Variants in SLC25A31 observed in about 807,000 individuals in gnomAD.
SLC25A31 encodes ADP/ATP translocase 4.
A neutral mutation model predicts 36.2 loss-of-function variants in SLC25A31; 40 were observed. The ratio of observed to expected loss-of-function variants is 1.10; its 90% CI spans 0.86 to 1.44. The LOEUF (loss-of-function observed/expected upper bound fraction) is 1.44. SLC25A31 is among the 40% of genes most tolerant of loss of function. The probability of loss-of-function intolerance (pLI) is 0.00; values close to 1 mark genes in which losing one functional copy is unlikely to be tolerated. For missense variants in SLC25A31, 350 were observed against 397.1 expected (o/e 0.88, Z 1.01); for synonymous variants, 143 against 149.7 (o/e 0.96, Z 0.32).
At chr4:127,748,127 C>G (rs1285651938) in intron 2 of SLC25A31, among the ~76,000 whole-genome samples, 1 of 152,146 alleles carries the variant, frequency 6.6e-6, no homozygotes, top group Non-Finnish European at 1.5e-5. Context: ...TGGTCCCCTT[C>G]CAGAGATCAA....
chr4:127,745,840 G>A (rs935193240), intron 2 of SLC25A31, among the ~76,000 whole-genome samples: 1 of 152,060 alleles, frequency 6.6e-6, no homozygotes, highest in Non-Finnish European at 1.5e-5. Flanking sequence ...GGGTACATGT[G>A]AAGGTTTGCT....
chr4:127,750,427 T>G (rs888914021), intron 2 of SLC25A31, among the ~76,000 whole-genome samples: 6 of 152,236 alleles, frequency 3.9e-5, no homozygotes, highest in African/African-American at 1.4e-4. Flanking sequence ...GATTATTTCC[T>G]TATAAACTCA....
intron 1 of SLC25A31, among the ~76,000 whole-genome samples, chr4:127,740,610 G>A (rs973951971): frequency 6.6e-6 from 1 of 152,216 alleles, no homozygotes; most frequent in Non-Finnish European, 1.5e-5. Context: ...TTGTGGAGCA[G>A]AGACAGCCCC....
chr4:127,749,200 CAA>C (rs1328486731), intron 2 of SLC25A31, among the ~76,000 whole-genome samples: 1 of 151,728 alleles, frequency 6.6e-6, no homozygotes, highest in Non-Finnish European at 1.5e-5. Flanking sequence ...TCAGCAAACT[CAA>C]AGATAGGTCA....
At chr4:127,754,003 G>C (rs1303896994) in intron 2 of SLC25A31, among the ~76,000 whole-genome samples, 1 of 152,122 alleles carries the variant, frequency 6.6e-6, no homozygotes, top group African/African-American at 2.4e-5. Flanking sequence ...AATAAGGATA[G>C]TTCAATATAC....
chr4:127,764,399 C>A lies in SLC25A31; in HGVS notation c.478+39C>A. The A allele has an allele frequency of 2.0e-6, 3 of 1,480,508 alleles. No homozygotes were observed. The South Asian group carries it at 3.5e-5, about 17-fold the overall frequency. The allele number at this position is 1,480,508 out of a possible 1,614,324, so 91.7% of individuals were successfully genotyped here. On this transcript the variant is annotated intron_variant, in intron 3 of 5. Coordinates refer to ENST00000281154, the MANE Select transcript of SLC25A31 (RefSeq NM_031291.4). ...AGAAATACTAACTTTTCCTTCTTTGCATTTTGAACCATCTGTTATTTATTG... is the reference window on the plus strand; with the variant it reads ...AGAAATACTAACTTTTCCTTCTTTGAATTTTGAACCATCTGTTATTTATTG...
At chr4:127,764,034 G>C (rs1286628471) in intron 2 of SLC25A31, among the ~76,000 whole-genome samples, 9 of 152,146 alleles carry the variant, frequency 5.9e-5, no homozygotes, top group Non-Finnish European at 1.3e-4. Context: ...CATCTAAACT[G>C]TGTCTTCCAG....
At chr4:127,768,169 C>T (rs1437935686) in intron 4 of SLC25A31, among the ~76,000 whole-genome samples, 4 of 151,768 alleles carry the variant, frequency 2.6e-5, no homozygotes, top group Admixed American at 1.3e-4. Context: ...TTATACTATA[C>T]TCCTTCATTA....
intron 2 of SLC25A31, among the ~76,000 whole-genome samples, chr4:127,759,031 G>C (rs892290759): frequency 1.3e-5 from 2 of 152,098 alleles, no homozygotes; most frequent in African/African-American, 4.8e-5. Context: ...AATTTGATAG[G>C]AATTCTGTTG....
chr4:127,760,386 G>T (rs1436293000), intron 2 of SLC25A31, among the ~76,000 whole-genome samples: 6 of 152,180 alleles, frequency 3.9e-5, no homozygotes, highest in Non-Finnish European at 2.9e-5. Flanking sequence ...AGGAGAGTGG[G>T]ACTCAGAGCT....
Position 127,730,673 on chromosome 4 carries a change from G to T in SLC25A31, c.128G>T (p.Arg43Leu), listed in dbSNP as rs745363139. 2 of 1,613,800 alleles carry T rather than the reference G, an allele frequency of 1.2e-6. No individual in the cohort carries two copies. The highest frequency in any genetic ancestry group is 4.5e-5 in the East Asian group (2 of 44,890). ...VSKTAVAPIE[R>L]VKLLLQVQAS... ...AAGACAGCGGTGGCGCCCATCGAGC[G>T]GGTGAAGCTGCTGCTGCAGGTGCAG... Residue 43 changes from arginine to leucine, a missense_variant, in exon 1 of 6, where the codon CGG becomes CTG. Arg to Leu is a moderately radical substitution (Grantham distance 102, BLOSUM62 -2). Transcript: ENST00000281154.
intron 1 of SLC25A31, among the ~76,000 whole-genome samples, chr4:127,736,041 T>C (rs976651849): frequency 8.0e-5 from 12 of 150,576 alleles, no homozygotes; most frequent in Non-Finnish European, 1.5e-4. Context: ...AGGCGCCCGC[T>C]ACCACGCCCG....
At chr4:127,731,268 C>T (rs1481902858) in intron 1 of SLC25A31, among the ~76,000 whole-genome samples, 1 of 152,028 alleles carries the variant, frequency 6.6e-6, no homozygotes, top group Non-Finnish European at 1.5e-5. Flanking sequence ...TATGGGAGCA[C>T]TAGGGCTTAC....
At chr4:127,767,338 AAG>A (rs148300815) in intron 4 of SLC25A31, 118 bp downstream of exon 4, 3 of 997,450 alleles carry the variant, frequency 3.0e-6, no homozygotes, top group Admixed American at 6.1e-5. Context: ...GTGATGAAAA[AAG>A]AGAGACATGA....
Position 127,764,298 on chromosome 4 carries a change from C to G in SLC25A31, c.416C>G (p.Ser139Cys). 1 of 1,613,972 alleles carries G rather than the reference C, an allele frequency of 6.2e-7. No homozygotes were observed. Among genetic ancestry groups the G allele is most frequent in the Non-Finnish European group, 8.5e-7 (1 of 1,179,946 alleles). The change falls in exon 3 of 6, where the codon TCC becomes TGC. Residue 139 changes from serine to cysteine, a missense_variant. Transcript: ENST00000281154. ...LASGGAAGATSLCVVYPLDFA... is the reference protein window; with the variant it reads ...LASGGAAGATCLCVVYPLDFA... The stretch of plus-strand genomic sequence containing the variant: ...TCTGGTGGAGCTGCTGGGGCAACAT[C>G]CTTATGTGTAGTATATCCTCTAGAT...
At chr4:127,758,312 G>T (rs1732067701) in intron 2 of SLC25A31, among the ~76,000 whole-genome samples, 1 of 152,214 alleles carries the variant, frequency 6.6e-6, no homozygotes, top group South Asian at 2.1e-4. Context: ...CACGTCCTTT[G>T]CCCATTTTTT....
intron 2 of SLC25A31, among the ~76,000 whole-genome samples, chr4:127,757,539 G>T (rs1732053102): frequency 6.6e-6 from 1 of 152,094 alleles, no homozygotes; most frequent in African/African-American, 2.4e-5. Context: ...TTCATCCATT[G>T]TTGGGCACTT....
intron 1 of SLC25A31, among the ~76,000 whole-genome samples, chr4:127,732,634 C>A (rs6851686): frequency 0.013 from 1,982 of 152,240 alleles, 35 homozygotes; most frequent in Non-Finnish European, 0.021. Context: ...ATATTTAAAC[C>A]TAAACGTATT....
chr4:127,748,848 C>T (rs1731870197), intron 2 of SLC25A31, among the ~76,000 whole-genome samples: 1 of 152,102 alleles, frequency 6.6e-6, no homozygotes, highest in Non-Finnish European at 1.5e-5. Flanking sequence ...GACACCAATA[C>T]AAGGCTACAT....
Sources: allele counts gnomAD v4.1 joint callset (sites outside exome capture counted in the v4.1 genomes callset), GRCh38; gene constraint gnomAD v4.1.1; transcripts MANE v1.5; gene names NCBI Gene and HGNC (gene_info 2026-07-23, HGNC 2026-07-21).